Variants in PLEKHM3 observed in about 807,000 individuals in gnomAD.
The protein encoded by PLEKHM3 is pleckstrin homology domain containing M3.
A neutral mutation model predicts 81.8 loss-of-function variants in PLEKHM3; 45 were observed. The ratio of observed to expected loss-of-function variants is 0.55; its 90% CI spans 0.43 to 0.71. The LOEUF is 0.71. Ranked by LOEUF, PLEKHM3 falls within the 30% of genes least tolerant of loss-of-function variation. The probability of loss-of-function intolerance (pLI) is 0.00; values close to 1 mark genes in which losing one functional copy is unlikely to be tolerated. For synonymous variants in PLEKHM3, 352 were observed against 356.4 expected (o/e 0.99, Z 0.14); for missense variants, 788 against 924.3 (o/e 0.85, Z 1.91).
rs143081232 is a variant in PLEKHM3, at chr2:207,849,248, C to T, written c.2108+11857G>A. On this transcript the variant is annotated intron_variant, in intron 7 of 7. Coordinates refer to ENST00000427836, the MANE Select transcript of PLEKHM3 (RefSeq NM_001080475.3). ...ACTCAGGGGGCTAAAGCTGGAGAAT[C>T]GCTTGAACCCGGGAGGTGGAGGTTG... is the stretch of plus-strand genomic sequence containing the variant. 6.7e-3 allele frequency among the ~76,000 whole-genome samples: 1,013 copies of T among 152,114 alleles called. 13 individuals are homozygous for T. Among genetic ancestry groups the T allele is most frequent in the African/African-American group, 0.023 (968 of 41,490 alleles).
intron 2 of PLEKHM3, among the ~76,000 whole-genome samples, chr2:208,000,068 T>C (rs965841406): frequency 2.0e-5 from 3 of 151,920 alleles, no homozygotes; most frequent in African/African-American, 4.8e-5. Flanking sequence ...GGTGAGAGAG[T>C]TTGTTGTGTC....
At chr2:207,879,710 T>C (rs567402961) in intron 6 of PLEKHM3, among the ~76,000 whole-genome samples, 2 of 152,292 alleles carry the variant, frequency 1.3e-5, no homozygotes, top group East Asian at 3.9e-4. Context: ...CATGGGTCAT[T>C]CCTGAGGAAT....
chr2:207,944,807 ATCATTCTAGCAATTC>A (rs1559249365), intron 4 of PLEKHM3, among the ~76,000 whole-genome samples: 2 of 152,182 alleles, frequency 1.3e-5, no homozygotes, highest in Non-Finnish European at 2.9e-5. Flanking sequence ...ATTCAACCAT[ATCATTCTAGCAATTC>A]TCTCTCTTCT....
chr2:207,837,126 G>C (rs1575267150), intron 7 of PLEKHM3, among the ~76,000 whole-genome samples: 1 of 152,114 alleles, frequency 6.6e-6, no homozygotes, highest in African/African-American at 2.4e-5. Context: ...TTTTGGGTTG[G>C]TGTTTTATTT....
intron 3 of PLEKHM3, among the ~76,000 whole-genome samples, chr2:207,952,326 T>C (rs1464855974): frequency 6.6e-6 from 1 of 152,234 alleles, no homozygotes; most frequent in African/African-American, 2.4e-5. Flanking sequence ...TTTTCCTGGC[T>C]GGGGACAGTG....
chr2:207,834,649 TC>T (rs1158942569), intron 7 of PLEKHM3, among the ~76,000 whole-genome samples: 2 of 151,604 alleles, frequency 1.3e-5, no homozygotes, highest in Non-Finnish European at 2.9e-5. Context: ...GGTCTTGAAC[TC>T]CTGACCTCAG....
At chr2:207,858,180 A>T (rs59576629) in intron 7 of PLEKHM3, among the ~76,000 whole-genome samples, 1,249 of 103,742 alleles carry the variant, frequency 0.012, 32 homozygotes, top group African/African-American at 0.031. Flanking sequence ...GTGTGTATAT[A>T]TTTTTTTTTT....
intron 6 of PLEKHM3, among the ~76,000 whole-genome samples, chr2:207,893,635 A>C (rs1688132032): frequency 6.6e-6 from 1 of 152,176 alleles, no homozygotes; most frequent in Non-Finnish European, 1.5e-5. Context: ...AATTAAAATT[A>C]GTCACAGTTA....
chr2:207,922,602 GGAGATC>G (rs1470116501), intron 5 of PLEKHM3, among the ~76,000 whole-genome samples: 2 of 152,114 alleles, frequency 1.3e-5, no homozygotes, highest in Admixed American at 1.3e-4. Context: ...CACGAGGTCA[GGAGATC>G]GAGACCATCC....
chr2:207,957,120 T>A (rs572487125), intron 3 of PLEKHM3, among the ~76,000 whole-genome samples: 1 of 152,184 alleles, frequency 6.6e-6, no homozygotes, highest in Admixed American at 6.5e-5. Flanking sequence ...AATCCATCAA[T>A]TAGAAGGAGC....
chr2:207,870,476 C>T (rs1473850953), intron 6 of PLEKHM3, among the ~76,000 whole-genome samples: 7 of 152,222 alleles, frequency 4.6e-5, no homozygotes, highest in Admixed American at 1.3e-4. Context: ...TCACAGTGAA[C>T]GGTCACCTGC....
intron 5 of PLEKHM3, among the ~76,000 whole-genome samples, chr2:207,923,880 C>CACACACACACATAT (rs1319162543): frequency 7.0e-5 from 4 of 56,770 alleles, no homozygotes; most frequent in Non-Finnish European, 1.3e-4. Context: ...CACACACACA[C>CACACACACACATAT]ATATATATAT....
At chr2:207,886,686 TTC>T (rs748102196) in intron 6 of PLEKHM3, among the ~76,000 whole-genome samples, 6 of 152,162 alleles carry the variant, frequency 3.9e-5, no homozygotes, top group East Asian at 3.8e-4. Flanking sequence ...GAATGAAACT[TTC>T]TGTTTGATTT....
intron 6 of PLEKHM3, among the ~76,000 whole-genome samples, chr2:207,869,601 A>G (rs1306782541): frequency 6.6e-6 from 1 of 152,202 alleles, no homozygotes; most frequent in Non-Finnish European, 1.5e-5. Context: ...CATTTGTAAC[A>G]AAATTAGGTC....
chr2:207,930,920 TCTTACCTGCGGCGGAGATCCTC>T lies in PLEKHM3; in HGVS notation c.1870_1886+5del. On this transcript the variant is annotated splice_donor_variant and splice_donor_5th_base_variant and coding_sequence_variant and intron_variant, in exon 5 of 8. Transcript: ENST00000427836. LOFTEE classifies it high-confidence loss of function. Reference sequence around the variant, plus strand: ...ACGGGAGCCGTCTGAGATTTATGACTCTTACCTGCGGCGGAGATCCTCTGCCACCGCTGCCCGGCAGCTGAAC... The same window carrying T: ...ACGGGAGCCGTCTGAGATTTATGACTTGCCACCGCTGCCCGGCAGCTGAAC... 1 of 1,612,174 alleles carries T rather than the reference TCTTACCTGCGGCGGAGATCCTC, an allele frequency of 6.2e-7. No individual in the cohort carries two copies. The highest frequency in any genetic ancestry group is 2.2e-5 in the East Asian group (1 of 44,812).
At chr2:207,938,807 A>G (rs892163678) in intron 4 of PLEKHM3, among the ~76,000 whole-genome samples, 5 of 152,176 alleles carry the variant, frequency 3.3e-5, no homozygotes, top group African/African-American at 1.2e-4. Context: ...TCCTCTCAAA[A>G]TCAAATCTAA....
At chr2:207,940,215 A>G (rs982649917) in intron 4 of PLEKHM3, among the ~76,000 whole-genome samples, 12 of 152,346 alleles carry the variant, frequency 7.9e-5, no homozygotes, top group African/African-American at 2.9e-4. Flanking sequence ...TGTTATATAG[A>G]TGTTATGATA....
intron 2 of PLEKHM3, among the ~76,000 whole-genome samples, chr2:207,999,547 A>G (rs1261373085): frequency 6.6e-6 from 1 of 152,142 alleles, no homozygotes; most frequent in African/African-American, 2.4e-5. Flanking sequence ...TGAGGCTGCA[A>G]TGAGCTACAA....
intron 1 of PLEKHM3, among the ~76,000 whole-genome samples, 198 bp downstream of exon 1, chr2:208,025,191 T>C (rs890688027): frequency 6.6e-5 from 10 of 152,268 alleles, no homozygotes; most frequent in African/African-American, 2.4e-4. Context: ...AAGCAGACAA[T>C]GCATCATGTA....
Sources: gnomAD v4.1 joint callset for allele counts (sites outside exome capture counted in the v4.1 genomes callset) on GRCh38, gnomAD v4.1.1 for gene constraint, MANE v1.5 for transcripts, NCBI Gene and HGNC (gene_info 2026-07-23, HGNC 2026-07-21) for gene names.